ST6GALNAC3: variants seen among roughly 807,000 people sequenced by gnomAD.
ST6GALNAC3 encodes alpha-N-acetylgalactosaminide alpha-2,6-sialyltransferase 3.
A neutral mutation model predicts 32.7 loss-of-function variants in ST6GALNAC3; 25 were observed. The ratio of observed to expected loss-of-function variants is 0.76; its 90% CI spans 0.56 to 1.07. The LOEUF is 1.07. ST6GALNAC3 is among the 50% of genes least tolerant of loss of function. ST6GALNAC3 has a pLI of 0.00. For missense variants in ST6GALNAC3, 355 were observed against 382.4 expected, an observed-to-expected ratio of 0.93 and a Z score of 0.60; for synonymous variants, 129 against 133.1, an observed-to-expected ratio of 0.97 and a Z score of 0.21.
intron 1 of ST6GALNAC3, among the ~76,000 whole-genome samples, chr1:76,212,146 T>C (rs956229649): frequency 2.6e-5 from 4 of 152,198 alleles, no homozygotes; most frequent in African/African-American, 9.6e-5. Context: ...CATGGAGCTA[T>C]GTTAAAGACT....
chr1:76,104,270 A>G (rs980316331), intron 1 of ST6GALNAC3, among the ~76,000 whole-genome samples: 1 of 152,112 alleles, frequency 6.6e-6, no homozygotes. Flanking sequence ...AGGTTTCTCA[A>G]CCCCAGAAGG....
intron 1 of ST6GALNAC3, among the ~76,000 whole-genome samples, chr1:76,273,633 G>A (rs780835937): frequency 6.6e-5 from 10 of 152,134 alleles, no homozygotes; most frequent in Admixed American, 2.6e-4. Context: ...TTTTTAATAC[G>A]TAAAGTCAGC....
At chr1:76,471,078 C>T (rs1293738562) in intron 3 of ST6GALNAC3, among the ~76,000 whole-genome samples, 1 of 152,102 alleles carries the variant, frequency 6.6e-6, no homozygotes, top group Admixed American at 6.6e-5. Context: ...GTTTCTGGTT[C>T]TTTATCATCT....
rs1649252737 is a variant in ST6GALNAC3, at chr1:76,630,720, C to T, written c.*1914C>T. On this transcript the variant is annotated 3_prime_UTR_variant, in exon 5 of 5. Transcript: ENST00000328299. ...CAATTTTGACACCTCAATATTCACA[C>T]CCATAAACATTACTAAGCCCCAGTT... is the stretch of plus-strand genomic sequence containing the variant. 1.0e-6 allele frequency: 1 copy of T among 985,512 alleles called. No individual in the cohort carries two copies. The highest frequency in any genetic ancestry group is 1.2e-6 in the Non-Finnish European group (1 of 829,846). 61.0% of individuals were successfully genotyped at this position (985,512 alleles called of 1,614,324 possible).
chr1:76,081,866 T>C (rs1646900858), intron 1 of ST6GALNAC3, among the ~76,000 whole-genome samples: 1 of 152,192 alleles, frequency 6.6e-6, no homozygotes, highest in Non-Finnish European at 1.5e-5. Flanking sequence ...CCAACATAGA[T>C]CTGTCCCTTG....
chr1:76,124,987 A>C (rs1214416087), intron 1 of ST6GALNAC3, among the ~76,000 whole-genome samples: 1 of 152,214 alleles, frequency 6.6e-6, no homozygotes, highest in Non-Finnish European at 1.5e-5. Context: ...GCTCATTAAT[A>C]ATTTTTATAT....
At chr1:76,169,531 T>C (rs1476661859) in intron 1 of ST6GALNAC3, among the ~76,000 whole-genome samples, 3 of 152,182 alleles carry the variant, frequency 2.0e-5, no homozygotes, top group Non-Finnish European at 4.4e-5. Flanking sequence ...TTCTCATGCA[T>C]GATGTCCTGA....
chr1:76,101,176 C>T (rs1436678865), intron 1 of ST6GALNAC3, among the ~76,000 whole-genome samples: 1 of 152,152 alleles, frequency 6.6e-6, no homozygotes, highest in Non-Finnish European at 1.5e-5. Context: ...TCCCTTCTAC[C>T]GTAACCCCTG....
chr1:76,398,093 G>A (rs568235533), intron 2 of ST6GALNAC3, among the ~76,000 whole-genome samples: 15 of 152,192 alleles, frequency 9.9e-5, no homozygotes, highest in Admixed American at 6.5e-4. Flanking sequence ...GTAAGAATAT[G>A]TCTAGTTAAG....
chr1:76,314,101 C>T, intron 2 of ST6GALNAC3, 102 bp downstream of exon 2: 2 of 1,113,920 alleles, frequency 1.8e-6, no homozygotes, highest in Non-Finnish European at 2.5e-6. Flanking sequence ...ACTCTGTCTG[C>T]CCCGGAGAGC....
intron 2 of ST6GALNAC3, among the ~76,000 whole-genome samples, chr1:76,369,577 C>T (rs139814641): frequency 9.2e-5 from 14 of 152,230 alleles, no homozygotes; most frequent in African/African-American, 1.7e-4. Flanking sequence ...AACTCAGACA[C>T]TCTGGTTCTG....
At chr1:76,608,827 G>A (rs1236918040) in intron 3 of ST6GALNAC3, among the ~76,000 whole-genome samples, 1 of 152,008 alleles carries the variant, frequency 6.6e-6, no homozygotes, top group Non-Finnish European at 1.5e-5. Flanking sequence ...TATCAGAATT[G>A]CACTCAAATA....
chr1:76,630,029 T>A lies in ST6GALNAC3; in HGVS notation c.*1223T>A. 6.1e-6 allele frequency: 6 copies of A among 985,178 alleles called. No homozygotes were observed. Among genetic ancestry groups the A allele is most frequent in the Non-Finnish European group, 7.2e-6 (6 of 829,804 alleles). 61.0% of individuals were successfully genotyped at this position (985,178 alleles called of 1,614,324 possible). A position where few individuals can be genotyped will look rare whatever the true frequency, so the allele number is the denominator to read the frequency against. On this transcript the variant is annotated 3_prime_UTR_variant, in exon 5 of 5. Transcript: ENST00000328299. ...GTCCAAAGTGCTTTGTCATTTAGAG[T>A]CCTTTAACATCTGTTATACCATGTG...
intron 2 of ST6GALNAC3, among the ~76,000 whole-genome samples, chr1:76,397,951 T>G (rs1653104309): frequency 6.6e-6 from 1 of 152,174 alleles, no homozygotes; most frequent in Non-Finnish European, 1.5e-5. Flanking sequence ...ATAATGATTT[T>G]TTTTCTTCTC....
At chr1:76,138,349 T>C (rs1160190645) in intron 1 of ST6GALNAC3, among the ~76,000 whole-genome samples, 1 of 151,876 alleles carries the variant, frequency 6.6e-6, no homozygotes, top group Non-Finnish European at 1.5e-5. Flanking sequence ...TCCTTGAAAG[T>C]TTTTTTTCTT....
chr1:76,226,392 G>T (rs1029291521), intron 1 of ST6GALNAC3, among the ~76,000 whole-genome samples: 1 of 152,160 alleles, frequency 6.6e-6, no homozygotes, highest in Non-Finnish European at 1.5e-5. Flanking sequence ...GGAGTAACCT[G>T]TTTTTTCTTC....
chr1:76,435,995 T>G (rs1484659163), intron 3 of ST6GALNAC3, among the ~76,000 whole-genome samples: 1 of 152,106 alleles, frequency 6.6e-6, no homozygotes, highest in East Asian at 1.9e-4. Flanking sequence ...GCACCCAATT[T>G]GTAGTCTTTT....
chr1:76,330,525 T>A (rs1557793348), intron 2 of ST6GALNAC3, among the ~76,000 whole-genome samples: 1 of 152,232 alleles, frequency 6.6e-6, no homozygotes, highest in Non-Finnish European at 1.5e-5. Context: ...GCTAGCTATA[T>A]ACTGTTGGTC....
At chr1:76,614,019 C>A (rs762530382) in intron 3 of ST6GALNAC3, among the ~76,000 whole-genome samples, 2 of 152,174 alleles carry the variant, frequency 1.3e-5, no homozygotes, top group African/African-American at 4.8e-5. Flanking sequence ...AAAACATCAG[C>A]AAAATGCTTA....
Sources: gnomAD v4.1 joint callset for allele counts (sites outside exome capture counted in the v4.1 genomes callset) on GRCh38, gnomAD v4.1.1 for gene constraint, MANE v1.5 for transcripts, NCBI Gene and HGNC (gene_info 2026-07-23, HGNC 2026-07-21) for gene names.